The following DIAPH3 variants were observed in gnomAD, a reference collection of about 807,000 sequenced individuals.
DIAPH3 encodes the protein protein diaphanous homolog 3.
Under a neutral mutation model 144.3 loss-of-function variants are expected in DIAPH3, and 117 were observed. The ratio of observed to expected loss-of-function variants is 0.81; its 90% CI spans 0.70 to 0.95. The LOEUF (loss-of-function observed/expected upper bound fraction) is 0.95. Among genes scored for constraint, DIAPH3 ranks in the 40% least tolerant of loss-of-function variants. The pLI is 0.00. For missense variants in DIAPH3, 1,421 were observed against 1,412.7 expected, an observed-to-expected ratio of 1.01 and a Z score of -0.09; for synonymous variants, 519 against 488.9, an observed-to-expected ratio of 1.06 and a Z score of -0.81.
At chr13:59,758,779 CTTT>C (rs869088245) in intron 27 of DIAPH3, among the ~76,000 whole-genome samples, 5 of 139,086 alleles carry the variant, frequency 3.6e-5, no homozygotes, top group Admixed American at 7.3e-5. Flanking sequence ...TTTTCTCTCT[CTTT>C]TTTTTTTTTT....
intron 25 of DIAPH3, among the ~76,000 whole-genome samples, chr13:59,780,922 T>C (rs2038703385): frequency 6.6e-6 from 1 of 152,128 alleles, no homozygotes; most frequent in African/African-American, 2.4e-5. Context: ...GGGTAATATT[T>C]TTGGAAGTCA....
At chr13:59,945,679 C>A (rs2048760166) in intron 17 of DIAPH3, among the ~76,000 whole-genome samples, 1 of 150,790 alleles carries the variant, frequency 6.6e-6, no homozygotes, top group Non-Finnish European at 1.5e-5. Context: ...ATAGGAATCA[C>A]AGAGCTCTGA....
chr13:60,051,457 TAAAAATAC>T, intron 4 of DIAPH3, among the ~76,000 whole-genome samples: 1 of 151,986 alleles, frequency 6.6e-6, no homozygotes, highest in Non-Finnish European at 1.5e-5. Flanking sequence ...CTGTCTCTAT[TAAAAATAC>T]AAAAATTAGC....
intron 27 of DIAPH3, among the ~76,000 whole-genome samples, chr13:59,752,058 C>T (rs1219638352): frequency 6.6e-6 from 1 of 152,204 alleles, no homozygotes; most frequent in African/African-American, 2.4e-5. Context: ...AAACTTGAAA[C>T]ATTTCCAGAG....
Position 59,666,420 on chromosome 13 carries a change from A to T in DIAPH3, c.*164T>A. 1 of 836,532 alleles carries T rather than the reference A, an allele frequency of 1.2e-6. No homozygotes were observed. The allele number at this position is 836,532 out of a possible 1,614,324, so 51.8% of individuals were successfully genotyped here. On this transcript the variant is annotated 3_prime_UTR_variant, in exon 28 of 28. Transcript: ENST00000400324. ...TTGAATAAACCAAAACCTCCAGTAC[A>T]TAGAAAAAGCATTGCAATCATATAT...
chr13:59,718,506 G>A (rs892958785), intron 27 of DIAPH3, among the ~76,000 whole-genome samples: 2 of 152,130 alleles, frequency 1.3e-5, no homozygotes, highest in African/African-American at 4.8e-5. Context: ...CCTACTCATA[G>A]CTACTAAATA....
rs1037997923 is a variant in DIAPH3 at position 59,969,300 on chromosome 13, C to G, written c.2074+644G>C. Among the ~76,000 whole-genome samples, 5 of 152,198 alleles carry G rather than the reference C, an allele frequency of 3.3e-5. No individual in the cohort carries two copies. The East Asian group carries it at 9.6e-4, about 29-fold the overall frequency. ...ATAACCTACTCAGATACTTCTCTTT[C>G]AAGCTAACTTTGAAGACATTATAAA... On this transcript the variant is annotated intron_variant, in intron 17 of 27. Coordinates refer to ENST00000400324, the MANE Select transcript of DIAPH3 (RefSeq NM_001042517.2).
At chr13:59,727,412 T>A (rs1422320234) in intron 27 of DIAPH3, among the ~76,000 whole-genome samples, 1 of 152,206 alleles carries the variant, frequency 6.6e-6, no homozygotes, top group African/African-American at 2.4e-5. Context: ...TGGAAACATT[T>A]CCATAGGAGT....
intron 27 of DIAPH3, among the ~76,000 whole-genome samples, chr13:59,717,129 G>T (rs1254120752): frequency 6.6e-6 from 1 of 152,086 alleles, no homozygotes; most frequent in Non-Finnish European, 1.5e-5. Context: ...GTCCAGGAGG[G>T]TTGACATTAG....
chr13:59,676,729 G>A (rs1051549491), intron 27 of DIAPH3, among the ~76,000 whole-genome samples: 1 of 152,122 alleles, frequency 6.6e-6, no homozygotes, highest in Non-Finnish European at 1.5e-5. Context: ...ACAATTATAT[G>A]TTCATAGACT....
chr13:59,851,851 C>G (rs998758514), intron 22 of DIAPH3, among the ~76,000 whole-genome samples: 1 of 152,134 alleles, frequency 6.6e-6, no homozygotes, highest in Non-Finnish European at 1.5e-5. Flanking sequence ...ATCTCTTGAC[C>G]TCATGATCCG....
In DIAPH3 at chr13:60,028,788, C is replaced by T. The variant is rs541012661; in HGVS notation, c.627-12643G>A. ...AAAAAGGGATATTTTTGGCCGGGCACGGTGCCTCACACCTGTAATTCCAGC... is the reference window on the plus strand; with the variant it reads ...AAAAAGGGATATTTTTGGCCGGGCATGGTGCCTCACACCTGTAATTCCAGC... On this transcript the variant is annotated intron_variant, in intron 5 of 27. Coordinates refer to ENST00000400324, the MANE Select transcript of DIAPH3 (RefSeq NM_001042517.2). Among the ~76,000 whole-genome samples the T allele has an allele frequency of 5.9e-5, 9 of 152,234 alleles. No homozygotes were observed. The South Asian group carries it at 8.3e-4, about 14-fold the overall frequency.
intron 20 of DIAPH3, among the ~76,000 whole-genome samples, chr13:59,901,475 C>T (rs912608282): frequency 6.6e-5 from 10 of 152,174 alleles, no homozygotes; most frequent in Admixed American, 6.5e-4. Context: ...AAAGTCCTTC[C>T]TAACCACACA....
At chr13:59,814,755 G>T (rs913414593) in intron 24 of DIAPH3, among the ~76,000 whole-genome samples, 1 of 152,102 alleles carries the variant, frequency 6.6e-6, no homozygotes, top group Non-Finnish European at 1.5e-5. Flanking sequence ...CAAATAAACC[G>T]CACTGCCTCC....
chr13:59,828,608 C>T lies in DIAPH3; in HGVS notation c.3027+4499G>A, dbSNP rs79802308. ...TGGAGCTTCTCTACCCTGCAGTTAT[C>T]TCACCTGTCACATTCTGGACCTCAA... On this transcript the variant is annotated intron_variant, in intron 24 of 27. Coordinates refer to ENST00000400324, the MANE Select transcript of DIAPH3 (RefSeq NM_001042517.2). Among the ~76,000 whole-genome samples, 1,151 of 142,424 alleles carry T rather than the reference C, an allele frequency of 8.1e-3. 11 individuals are homozygous for T. The highest frequency in any genetic ancestry group is 0.027 in the African/African-American group (1,049 of 38,586). 93.4% of individuals were successfully genotyped at this position (142,424 alleles called of 152,430 possible). A position where few individuals can be genotyped will look rare whatever the true frequency, so the allele number is the denominator to read the frequency against.
chr13:60,128,529 G>A (rs1470856979), intron 2 of DIAPH3, among the ~76,000 whole-genome samples: 1 of 152,122 alleles, frequency 6.6e-6, no homozygotes, highest in Non-Finnish European at 1.5e-5. Flanking sequence ...TACTTAATTT[G>A]TCCCTTAAAC....
At chr13:59,783,383 A>G (rs2038851749) in intron 25 of DIAPH3, among the ~76,000 whole-genome samples, 1 of 152,218 alleles carries the variant, frequency 6.6e-6, no homozygotes, top group African/African-American at 2.4e-5. Flanking sequence ...AGTTGGATCT[A>G]GACAGGAGCT....
chr13:59,965,392 C>T (rs2049991734), intron 17 of DIAPH3, among the ~76,000 whole-genome samples: 2 of 151,784 alleles, frequency 1.3e-5, no homozygotes, highest in Admixed American at 1.3e-4. Flanking sequence ...TTCAGAAAGC[C>T]CTTTAATCCC....
chr13:60,091,909 C>A (rs1000785058), intron 4 of DIAPH3, among the ~76,000 whole-genome samples: 1 of 151,790 alleles, frequency 6.6e-6, no homozygotes, highest in African/African-American at 2.4e-5. Context: ...GTGATGTGAT[C>A]GAAGTTCACT....
Sources: allele counts gnomAD v4.1 joint callset (sites outside exome capture counted in the v4.1 genomes callset), GRCh38; gene constraint gnomAD v4.1.1; transcripts MANE v1.5; gene names NCBI Gene and HGNC (gene_info 2026-07-23, HGNC 2026-07-21).